The following SBF2 variants were observed in gnomAD, a reference collection of about 807,000 sequenced individuals.
SBF2 encodes SET binding factor 2, also known as myotubularin-related protein 13.
SBF2 carries 112 observed loss-of-function variants against 225.2 expected under a neutral mutation model. The observed-to-expected ratio is 0.50, with a 90% CI of 0.43 to 0.58. The LOEUF (loss-of-function observed/expected upper bound fraction) is 0.58. Ranked by LOEUF, SBF2 falls within the 20% of genes least tolerant of loss-of-function variation. The probability of loss-of-function intolerance (pLI) is 0.00; values close to 1 mark genes in which losing one functional copy is unlikely to be tolerated. For missense variants in SBF2, 1,996 were observed against 2,206.2 expected, an observed-to-expected ratio of 0.90 and a Z score of 1.91; for synonymous variants, 763 against 773.3, an observed-to-expected ratio of 0.99 and a Z score of 0.22.
chr11:10,077,881 C>T (rs770511417), intron 2 of SBF2, among the ~76,000 whole-genome samples: 2 of 152,198 alleles, frequency 1.3e-5, no homozygotes, highest in African/African-American at 4.8e-5. Context: ...TTTCTGCAAA[C>T]TATCCATCTG....
At chr11:10,015,615 A>G (rs186364747) in intron 6 of SBF2, among the ~76,000 whole-genome samples, 30 of 152,334 alleles carry the variant, frequency 2.0e-4, no homozygotes, top group African/African-American at 7.0e-4. Context: ...CCCTTGAGGT[A>G]GATTTTGACA....
intron 16 of SBF2, among the ~76,000 whole-genome samples, chr11:9,937,507 T>TA (rs1864973132): frequency 1.3e-5 from 2 of 151,942 alleles, no homozygotes; most frequent in African/African-American, 2.4e-5. Context: ...TAAAGCCAAA[T>TA]AAAAAATAAT....
intron 2 of SBF2, among the ~76,000 whole-genome samples, chr11:10,107,102 T>C (rs1420067906): frequency 6.6e-6 from 1 of 152,228 alleles, no homozygotes; most frequent in Non-Finnish European, 1.5e-5. Flanking sequence ...TGGCAGTTTA[T>C]TCCAAAAGTT....
chr11:10,171,533 G>A (rs1367832384), intron 2 of SBF2, among the ~76,000 whole-genome samples: 2 of 152,100 alleles, frequency 1.3e-5, no homozygotes, highest in African/African-American at 4.8e-5. Context: ...GTTAAATTTG[G>A]TTTGCTAAGA....
intron 2 of SBF2, among the ~76,000 whole-genome samples, chr11:10,152,378 C>T (rs1955244589): frequency 6.6e-6 from 1 of 151,414 alleles, no homozygotes; most frequent in Non-Finnish European, 1.5e-5. Flanking sequence ...TGGAGAAACC[C>T]CTCTCTACTA....
At chr11:10,216,958 T>C (rs1331460777) in intron 1 of SBF2, among the ~76,000 whole-genome samples, 2 of 152,060 alleles carry the variant, frequency 1.3e-5, no homozygotes, top group Admixed American at 1.3e-4. Context: ...TATAAATAAA[T>C]GCCTAAATGA....
intron 1 of SBF2, among the ~76,000 whole-genome samples, chr11:10,264,274 G>A (rs1206872611): frequency 1.3e-5 from 2 of 151,810 alleles, no homozygotes; most frequent in Admixed American, 1.3e-4. Context: ...AATACTTCAG[G>A]GAAATAAAGC....
chr11:9,917,736 G>A lies in SBF2; in HGVS notation c.1861-21725C>T, dbSNP rs183285838. Among the ~76,000 whole-genome samples, 12 of 150,392 alleles carry A rather than the reference G, an allele frequency of 8.0e-5. No individual in the cohort carries two copies. In the East Asian group the frequency reaches 1.7e-3, roughly 22 times the overall value. ...TGGTACGTGCCTTCCTGAGGTTAGC[G>A]CGACCATTTTTGTAATATAAAGCAC... On this transcript the variant is annotated intron_variant, in intron 16 of 39. Coordinates refer to ENST00000256190, the MANE Select transcript of SBF2 (RefSeq NM_030962.4).
At chr11:9,843,592 C>T (rs1336586279) in intron 24 of SBF2, among the ~76,000 whole-genome samples, 1 of 152,194 alleles carries the variant, frequency 6.6e-6, no homozygotes, top group Non-Finnish European at 1.5e-5. Flanking sequence ...TTCTCTATCA[C>T]AAAGAACTCT....
At chr11:10,144,105 C>T (rs1195590816) in intron 2 of SBF2, among the ~76,000 whole-genome samples, 1 of 152,210 alleles carries the variant, frequency 6.6e-6, no homozygotes, top group Non-Finnish European at 1.5e-5. Context: ...CAAGCCTTTT[C>T]TATTGCATTT....
At chr11:9,823,469 G>T (rs773518544) in intron 28 of SBF2, among the ~76,000 whole-genome samples, 2 of 136,336 alleles carry the variant, frequency 1.5e-5, no homozygotes, top group Non-Finnish European at 3.2e-5. Context: ...GGAGCAAAAA[G>T]AAAAAGGCTA....
chr11:9,797,908 G>T lies in SBF2; in HGVS notation c.4444-1951C>A, dbSNP rs113984566. Among the ~76,000 whole-genome samples, 215 of 152,304 alleles carry T rather than the reference G, an allele frequency of 1.4e-3. 1 individual carries two copies. Among genetic ancestry groups the T allele is most frequent in the Middle Eastern group, 6.8e-3 (2 of 294 alleles). On this transcript the variant is annotated intron_variant, in intron 32 of 39. Coordinates refer to ENST00000256190, the MANE Select transcript of SBF2 (RefSeq NM_030962.4). ...GATCGCTTGTGTCCAGGAGTTCGAA[G>T]CTGCAGTGGAGCCACAATTGTGCCA...
intron 13 of SBF2, among the ~76,000 whole-genome samples, chr11:9,986,923 C>T (rs770746099): frequency 5.9e-5 from 9 of 152,094 alleles, no homozygotes; most frequent in Admixed American, 5.9e-4. Flanking sequence ...CTAATTTATT[C>T]TATGAAGCCA....
chr11:9,954,216 AAG>A (rs1292424555), intron 16 of SBF2, among the ~76,000 whole-genome samples: 4 of 152,218 alleles, frequency 2.6e-5, no homozygotes, highest in African/African-American at 9.6e-5. Context: ...GGAAAGACAG[AAG>A]AATAACTTCT....
chr11:9,790,930 C>A, intron 33 of SBF2: 1 of 390,048 alleles, frequency 2.6e-6, no homozygotes, highest in East Asian at 5.6e-5. Context: ...AGCAGTCTAT[C>A]AATCATGACT....
chr11:9,990,581 C>T (rs2134462906), intron 12 of SBF2, among the ~76,000 whole-genome samples: 1 of 152,264 alleles, frequency 6.6e-6, no homozygotes, highest in African/African-American at 2.4e-5. Flanking sequence ...TTGACTGATA[C>T]ATACATATGA....
At chr11:9,881,376 C>T (rs1859747229) in intron 17 of SBF2, among the ~76,000 whole-genome samples, 1 of 152,050 alleles carries the variant, frequency 6.6e-6, no homozygotes, top group Admixed American at 6.5e-5. Flanking sequence ...GCTCAAAACG[C>T]TGGGGTGAAG....
intron 1 of SBF2, among the ~76,000 whole-genome samples, chr11:10,261,112 T>C (rs1451785378): frequency 6.6e-6 from 1 of 152,170 alleles, no homozygotes. Flanking sequence ...AATGAGATAC[T>C]AGTACATATA....
rs771777012 is a variant in SBF2 at position 9,846,994 on chromosome 11, T to C, written c.2896A>G (p.Met966Val). 1.2e-6 allele frequency: 2 copies of C among 1,613,892 alleles called. No individual in the cohort carries two copies. The highest frequency in any genetic ancestry group is 1.1e-5 in the South Asian group (1 of 91,088). ...ITMQNQLQQN[M>V]QEGLQITSAS... ...GATGTGATCTGCAGTCCTTCTTGCA[T>C]GTTCTGCTGTAGCTGGTTCTGCATT... Residue 966 changes from methionine (M) to valine (V), a missense_variant, in exon 23 of 40, where the codon ATG (methionine) becomes GTG (valine). Physicochemically the swap from Met to Val is conservative, Grantham distance 21 (BLOSUM62 1). Transcript: ENST00000256190.
Sources: allele counts gnomAD v4.1 joint callset (sites outside exome capture counted in the v4.1 genomes callset), GRCh38; gene constraint gnomAD v4.1.1; transcripts MANE v1.5; gene names NCBI Gene and HGNC (gene_info 2026-07-23, HGNC 2026-07-21).